The following GSTO2 variants were observed in gnomAD, a reference collection of about 807,000 sequenced individuals.
The protein encoded by GSTO2 is glutathione S-transferase omega 2, also known as glutathione S-transferase omega-2.
Under a neutral mutation model 28.4 loss-of-function variants are expected in GSTO2, and 23 were observed. That is an observed-to-expected ratio of 0.81 (90% CI 0.58 to 1.15). The LOEUF (loss-of-function observed/expected upper bound fraction) is 1.15. Among genes scored for constraint, GSTO2 ranks in the 50% most tolerant of loss-of-function variants. GSTO2 has a pLI of 0.00. For missense variants in GSTO2, 298 were observed against 297.8 expected, an observed-to-expected ratio of 1.00 and a Z score of 0.00; for synonymous variants, 109 against 111.0, an observed-to-expected ratio of 0.98 and a Z score of 0.11.
chr10:104,279,492 C>T (rs1246442621), intron 5 of GSTO2, 21 bp downstream of exon 5: 1 of 1,549,180 alleles, frequency 6.5e-7, no homozygotes, highest in South Asian at 1.1e-5. Context: ...GGGTCCCTCT[C>T]CTGGTCAGCT....
rs771043048 is a variant in GSTO2 at position 104,299,293 on chromosome 10, G to A, written c.*9G>A. The A allele has an allele frequency of 6.8e-6, 11 of 1,613,656 alleles. No individual in the cohort carries two copies. Among genetic ancestry groups the A allele is most frequent in the Non-Finnish European group, 9.3e-6 (11 of 1,179,884 alleles). On this transcript the variant is annotated 3_prime_UTR_variant, in exon 7 of 7. Coordinates refer to ENST00000338595, the MANE Select transcript of GSTO2 (RefSeq NM_183239.2). ...ACTTTGGGCTGTGCTGAGTCTCACT[G>A]TCCACCCCTTCGCTGTCCAGAATTC...
chr10:104,296,104 A>G (rs1470014677), intron 5 of GSTO2: 2 of 152,044 alleles, frequency 1.3e-5, no homozygotes, highest in Non-Finnish European at 2.9e-5. Flanking sequence ...TCTGCTAAAC[A>G]CTTTCGCTTT....
chr10:104,297,258 A>G (rs1482061167), intron 5 of GSTO2: 1 of 208,228 alleles, frequency 4.8e-6, no homozygotes, highest in Non-Finnish European at 9.8e-6. Flanking sequence ...GGCTTAGCAC[A>G]TTGAGGAGCT....
chr10:104,270,387 C>G (rs898691771), intron 1 of GSTO2, among the ~76,000 whole-genome samples: 2 of 152,214 alleles, frequency 1.3e-5, no homozygotes, highest in Non-Finnish European at 2.9e-5. Context: ...GTTCCTTTTC[C>G]AAACTCAGTG....
chr10:104,297,341 C>T, intron 5 of GSTO2: 1 of 355,596 alleles, frequency 2.8e-6, no homozygotes, highest in Non-Finnish European at 5.4e-6. Context: ...TCAGATGAGC[C>T]ACACTGTCAC....
chr10:104,279,531 A>C, intron 5 of GSTO2, 60 bp downstream of exon 5: 3 of 1,167,918 alleles, frequency 2.6e-6, no homozygotes, highest in Admixed American at 1.7e-5. Flanking sequence ...CAGGGTCGCT[A>C]ACCTGGTCAC....
intron 1 of GSTO2, among the ~76,000 whole-genome samples, chr10:104,272,769 G>A (rs7913800): frequency 0.074 from 11,203 of 151,512 alleles, 1,373 homozygotes; most frequent in African/African-American, 0.26. Context: ...GCCTGCCACC[G>A]CGCCCGGCTA....
At chr10:104,275,164 T>C in intron 2 of GSTO2, 62 bp from the exon 3 acceptor site, 1 of 1,548,796 alleles carries the variant, frequency 6.5e-7, no homozygotes, top group Non-Finnish European at 8.7e-7. Context: ...GTGAGCGAGC[T>C]CCTTCCTCAC....
chr10:104,278,212 G>A, intron 4 of GSTO2, 96 bp downstream of exon 4: 1 of 910,860 alleles, frequency 1.1e-6, no homozygotes, highest in Non-Finnish European at 1.7e-6. Flanking sequence ...TGGTGAAACT[G>A]TTTTGTTTTG....
At chr10:104,279,888 T>TA (rs2011915439) in intron 5 of GSTO2, among the ~76,000 whole-genome samples, 1 of 151,988 alleles carries the variant, frequency 6.6e-6, no homozygotes. Context: ...TTCTCACACA[T>TA]ACGGTGGCTC....
In GSTO2 at chr10:104,275,264, C is replaced by G. The variant is rs755885559; in HGVS notation, c.73C>G (p.Arg25Gly). Residue 25 changes from arginine (R) to glycine (G), a missense_variant, in exon 3 of 7, where the codon CGC becomes GGC. Arg to Gly is a moderately radical substitution (Grantham distance 125). Coordinates refer to ENST00000338595, the MANE Select transcript of GSTO2 (RefSeq NM_183239.2). The part of the protein sequence containing the change: ...PPGPVPEGLI[R>G]IYSMRFCPYS... The stretch of plus-strand genomic sequence containing the variant: ...AGGGCCAGTCCCGGAGGGGCTGATC[C>G]GCATCTACAGCATGAGGTTCTGCCC... 20 of 1,613,868 alleles carry G rather than the reference C, an allele frequency of 1.2e-5. No homozygotes were observed. Among genetic ancestry groups the G allele is most frequent in the Non-Finnish European group, 1.5e-5 (18 of 1,179,984 alleles).
At position 104,277,937 on chromosome 10, in the gene GSTO2, T is replaced by TA; in HGVS notation, c.188dup (p.Tyr63Ter). ...NINLRNKPEWYYTKHPFGHIP... is the reference protein window; with the variant it reads ...NINLRNKPEW ...TAACCTGAGAAACAAGCCTGAATGG[T>TA]ACTATACAAAGCACCCTTTTGGCCA... The change falls in exon 4 of 7, where the codon TAC becomes TAAC. Residue 63 changes from tyrosine to a stop codon, truncating the protein, a stop_gained and frameshift_variant. Transcript: ENST00000338595. LOFTEE classifies it high-confidence loss of function. 2.5e-6 allele frequency: 4 copies of TA among 1,614,090 alleles called. No individual in the cohort carries two copies. The highest frequency in any genetic ancestry group is 3.4e-6 in the Non-Finnish European group (4 of 1,179,952).
chr10:104,272,053 T>G (rs2011430800), intron 1 of GSTO2, among the ~76,000 whole-genome samples: 1 of 152,210 alleles, frequency 6.6e-6, no homozygotes, highest in African/African-American at 2.4e-5. Flanking sequence ...CCCTAATATA[T>G]TAACTATGGA....
chr10:104,287,640 A>G (rs2012514643), intron 5 of GSTO2, among the ~76,000 whole-genome samples: 1 of 152,122 alleles, frequency 6.6e-6, no homozygotes, highest in Non-Finnish European at 1.5e-5. Flanking sequence ...TGAACCATGC[A>G]GGTGTGCACA....
chr10:104,270,927 A>G (rs2011372559), intron 1 of GSTO2, among the ~76,000 whole-genome samples: 1 of 152,232 alleles, frequency 6.6e-6, no homozygotes, highest in Non-Finnish European at 1.5e-5. Flanking sequence ...ATCACCCATG[A>G]CCGAAGATCC....
At chr10:104,279,174 G>A (rs2011848548) in intron 4 of GSTO2, among the ~76,000 whole-genome samples, 196 bp from the exon 5 acceptor site, 1 of 152,156 alleles carries the variant, frequency 6.6e-6, no homozygotes, top group Non-Finnish European at 1.5e-5. Context: ...CTTTCCCAGG[G>A]TACTATAAGA....
rs778489955 is a variant in GSTO2, at chr10:104,275,326, A to G, written c.135A>G (p.Lys45=). The change falls in exon 3 of 7, where the codon AAA becomes AAG. Residue 45 remains lysine, a synonymous_variant. Transcript: ENST00000338595. Reference sequence around the variant, plus strand: ...GGACCCGCCTCGTCCTCAAGGCCAAAGACATCAGGTGAGAAGCGGGAACCC... The same window carrying G: ...GGACCCGCCTCGTCCTCAAGGCCAAGGACATCAGGTGAGAAGCGGGAACCC... ...SHRTRLVLKA[K]DIRHEVVNIN... 1 of 1,613,782 alleles carries G rather than the reference A, an allele frequency of 6.2e-7. No individual in the cohort carries two copies. The highest frequency in any genetic ancestry group is 1.3e-5 in the African/African-American group (1 of 74,922).
chr10:104,274,855 G>A lies in GSTO2; in HGVS notation c.-61G>A, dbSNP rs562345101. The A allele has an allele frequency of 1.9e-6, 3 of 1,573,268 alleles. No homozygotes were observed. Among genetic ancestry groups the A allele is most frequent in the East Asian group, 2.3e-5 (1 of 43,058 alleles). ...AGCTGTTTCTGGAGCCTGCGGCAGC[G>A]GTGGCGAGCCACAGGGCGGCGACCG... On this transcript the variant is annotated 5_prime_UTR_variant, in exon 2 of 7. Transcript: ENST00000338595.
intron 5 of GSTO2, among the ~76,000 whole-genome samples, chr10:104,288,664 C>T (rs867422715): frequency 6.6e-6 from 1 of 152,190 alleles, no homozygotes; most frequent in South Asian, 2.1e-4. Context: ...GGAAGTATGT[C>T]ATCCCTTGCT....
Sources: gnomAD v4.1 joint callset for allele counts (sites outside exome capture counted in the v4.1 genomes callset) on GRCh38, gnomAD v4.1.1 for gene constraint, MANE v1.5 for transcripts, NCBI Gene and HGNC (gene_info 2026-07-23, HGNC 2026-07-21) for gene names.